The following DST variants were observed in gnomAD, a reference collection of about 807,000 sequenced individuals.
DST encodes dystonin, also known as bullous pemphigoid antigen.
A neutral mutation model predicts 875.2 loss-of-function variants in DST; 253 were observed. That is an observed-to-expected ratio of 0.29 (90% CI 0.26 to 0.32). DST has a LOEUF of 0.32. DST is among the 10% of genes least tolerant of loss of function. DST has a pLI of 1.00. For missense variants in DST, 8,287 were observed against 9,111.6 expected, an observed-to-expected ratio of 0.91 and a Z score of 3.68; for synonymous variants, 3,124 against 3,197.1, an observed-to-expected ratio of 0.98 and a Z score of 0.77.
At chr6:56,750,586 C>CA (rs201880996) in intron 4 of DST, among the ~76,000 whole-genome samples, 12 of 151,258 alleles carry the variant, frequency 7.9e-5, no homozygotes, top group South Asian at 6.3e-4. Flanking sequence ...GTCCCTAAGA[C>CA]AAAAAAAAGA....
At chr6:56,897,184 T>C (rs1394553422) in intron 3 of DST, among the ~76,000 whole-genome samples, 1 of 152,110 alleles carries the variant, frequency 6.6e-6, no homozygotes, top group Non-Finnish European at 1.5e-5. Flanking sequence ...TACATGTGGC[T>C]AGCCCAAACT....
intron 10 of DST, among the ~76,000 whole-genome samples, chr6:56,661,401 T>G (rs2099040425): frequency 6.6e-6 from 1 of 152,134 alleles, no homozygotes; most frequent in African/African-American, 2.4e-5. Flanking sequence ...AGGCAGGACT[T>G]GTCAAGTTTC....
chr6:56,920,885 C>T (rs1466608185), intron 2 of DST, among the ~76,000 whole-genome samples: 5 of 133,548 alleles, frequency 3.7e-5, no homozygotes, highest in East Asian at 2.0e-4. Flanking sequence ...CACACAACCA[C>T]GCCCAGCTAA....
chr6:56,588,431 T>TTAC (rs1480336464), intron 49 of DST, among the ~76,000 whole-genome samples: 1 of 152,310 alleles, frequency 6.6e-6, no homozygotes, highest in African/African-American at 2.4e-5. Flanking sequence ...TCCTCACTCC[T>TTAC]AGCTTTAGTA....
In DST at chr6:56,627,375, A is replaced by ATCACT. The variant is rs1489519242; in HGVS notation, c.4639-93_4639-89dup. The ATCACT allele has an allele frequency of 5.6e-6, 5 of 886,766 alleles. No individual in the cohort carries two copies. The African/African-American group carries it at 6.5e-5, about 12-fold the overall frequency. The allele number at this position is 886,766 out of a possible 1,614,324, so 54.9% of individuals were successfully genotyped here. ...TGCTCAGTAACTAAGACATATCTAC[A>ATCACT]TCACTTCACAGTACAGCTCCTTAGC... On this transcript the variant is annotated intron_variant, in intron 33 of 103. Coordinates refer to ENST00000680361, the MANE Select transcript of DST (RefSeq NM_001374736.1).
rs1186714089 is a variant in DST at position 56,843,697 on chromosome 6, A to G, written c.625+7700T>C. ...AGACACTCGCCCGCGCCGGGGAGAG[A>G]GGGAGGGAGGAGGGTGGAGGGTGGA... On this transcript the variant is annotated intron_variant, in intron 4 of 103. Transcript: ENST00000680361. The G allele has an allele frequency of 2.1e-3, 1,733 of 809,864 alleles. 7 individuals carry two copies. Among genetic ancestry groups the G allele is most frequent in the Admixed American group, 9.3e-3 (117 of 12,608 alleles). The allele number at this position is 809,864 out of a possible 1,614,324, so 50.2% of individuals were successfully genotyped here.
Position 56,497,397 on chromosome 6 carries a change from C to T in DST, c.20205G>A (p.Glu6735=), listed in dbSNP as rs1324486479. Reference sequence around the variant, plus strand: ...TGCTTACCATATGGACATTAAGCTGCTCCTTGGCTGTTTCCGGTAAACCTC... The same window carrying T: ...TGCTTACCATATGGACATTAAGCTGTTCCTTGGCTGTTTCCGGTAAACCTC... ...PLGGLPETAK[E]QLNVHMEVCA... The change falls in exon 82 of 104, where the codon GAG becomes GAA. Residue 6735 remains glutamate (E), a synonymous_variant. Transcript: ENST00000680361. 3.1e-6 allele frequency: 5 copies of T among 1,612,978 alleles called. No homozygotes were observed. Among genetic ancestry groups the T allele is most frequent in the Admixed American group, 1.7e-5 (1 of 59,888 alleles).
At chr6:56,764,592 C>G (rs943289457) in intron 4 of DST, among the ~76,000 whole-genome samples, 5 of 152,020 alleles carry the variant, frequency 3.3e-5, no homozygotes, top group African/African-American at 1.2e-4. Context: ...GCCTAGCTGA[C>G]AGAAGACATT....
intron 98 of DST, among the ~76,000 whole-genome samples, chr6:56,468,728 A>T (rs2094718159): frequency 1.3e-5 from 2 of 152,190 alleles, no homozygotes; most frequent in Admixed American, 1.3e-4. Flanking sequence ...TGCATTCGTA[A>T]CATTGTAGCA....
At chr6:56,594,214 C>A (rs2152689064) in intron 47 of DST, 21 bp from the exon 48 acceptor site, 1 of 1,502,822 alleles carries the variant, frequency 6.7e-7, no homozygotes, top group South Asian at 1.4e-5. Flanking sequence ...ACAAATTGAT[C>A]ATAATCTTCA....
intron 10 of DST, among the ~76,000 whole-genome samples, chr6:56,669,568 C>T (rs2099089298): frequency 6.7e-6 from 1 of 149,050 alleles, no homozygotes; most frequent in African/African-American, 2.5e-5. Flanking sequence ...TGCACTCTAG[C>T]CTGGGTGATA....
chr6:56,854,669 A>G (rs1766963340), intron 3 of DST, among the ~76,000 whole-genome samples: 1 of 152,204 alleles, frequency 6.6e-6, no homozygotes, highest in Non-Finnish European at 1.5e-5. Flanking sequence ...TCCTTATAAT[A>G]TTTTAATCCA....
Position 56,634,902 on chromosome 6 carries a change from C to T in DST, c.3238G>A (p.Gly1080Arg), listed in dbSNP as rs1293496303. 6.2e-7 allele frequency: 1 copy of T among 1,613,530 alleles called. No homozygotes were observed. The highest frequency in any genetic ancestry group is 1.1e-5 in the South Asian group (1 of 91,066). Residue 1080 changes from glycine (G) to arginine (R), a missense_variant, in exon 25 of 104, where the codon GGA becomes AGA. Transcript: ENST00000680361. ...QYKSTIANLM[G>R]KAKTIIQLKP... ...AGTTGAATTATTGTTTTTGCTTTTC[C>T]CATTAGGTTTGCTATAGTGCTTTTG... is the stretch of plus-strand genomic sequence containing the variant.
intron 61 of DST, among the ~76,000 whole-genome samples, chr6:56,546,833 T>C (rs1473301654): frequency 6.6e-6 from 1 of 152,170 alleles, no homozygotes; most frequent in Non-Finnish European, 1.5e-5. Flanking sequence ...ATTATGAAGG[T>C]TTCCTTTGAT....
rs577516287 is a variant in DST, at chr6:56,761,306, C to T, written c.626-26017G>A. ...ATTCGTGGCCCACAGAGTTATTAAA[C>T]GCTTACTGATTTAGCTGCCAAGTGG... On this transcript the variant is annotated intron_variant, in intron 4 of 103. Transcript: ENST00000680361. 2.3e-4 allele frequency among the ~76,000 whole-genome samples: 35 copies of T among 152,290 alleles called. No homozygotes were observed. The South Asian group carries it at 6.0e-3, about 26-fold the overall frequency.
intron 69 of DST, among the ~76,000 whole-genome samples, chr6:56,525,756 C>T (rs1345711370): frequency 6.6e-6 from 1 of 152,210 alleles, no homozygotes; most frequent in African/African-American, 2.4e-5. Context: ...CAGGACCCCA[C>T]TCATTGCCCA....
intron 30 of DST, 58 bp downstream of exon 30, chr6:56,631,153 G>C (rs1440225838): frequency 2.5e-6 from 2 of 808,102 alleles, no homozygotes; most frequent in African/African-American, 3.7e-5. Context: ...TAAATTAATA[G>C]TAAATAAAAA....
At chr6:56,477,975 T>C (rs771134845) in intron 90 of DST, among the ~76,000 whole-genome samples, 2 of 152,206 alleles carry the variant, frequency 1.3e-5, no homozygotes, top group Non-Finnish European at 2.9e-5. Context: ...TTTTTGAATA[T>C]TTTTAACCAT....
chr6:56,699,763 A>C lies in DST; in HGVS notation c.955-18T>G. ...AATTTCACCTGTTTTGAATGTGAAG[A>C]AGAGATAAAACCAACTGTTTATCAA... On this transcript the variant is annotated intron_variant, in intron 8 of 103. Transcript: ENST00000680361. 1.6e-6 allele frequency: 2 copies of C among 1,264,314 alleles called. No homozygotes were observed. Among genetic ancestry groups the C allele is most frequent in the African/African-American group, 1.5e-5 (1 of 64,904 alleles). The allele number at this position is 1,264,314 out of a possible 1,614,324, so 78.3% of individuals were successfully genotyped here.
Sources: allele counts gnomAD v4.1 joint callset (sites outside exome capture counted in the v4.1 genomes callset), GRCh38; gene constraint gnomAD v4.1.1; transcripts MANE v1.5; gene names NCBI Gene and HGNC (gene_info 2026-07-23, HGNC 2026-07-21).